The following KANK4 variants were observed in gnomAD, a reference collection of about 807,000 sequenced individuals.
KANK4 encodes the protein KN motif and ankyrin repeat domain-containing protein 4.
KANK4 carries 50 observed loss-of-function variants against 80.8 expected under a neutral mutation model. The observed-to-expected ratio is 0.62, with a 90% CI of 0.49 to 0.78. The LOEUF (loss-of-function observed/expected upper bound fraction) is 0.78, where lower values mean the gene tolerates loss of function less well. Ranked by LOEUF, KANK4 falls within the 30% of genes least tolerant of loss-of-function variation. The pLI, the probability that KANK4 is intolerant of heterozygous loss-of-function variation, is 0.00. For missense variants in KANK4, 1,196 were observed against 1,240.1 expected (o/e 0.96, Z 0.53); for synonymous variants, 465 against 506.9 (o/e 0.92, Z 1.11).
chr1:62,308,097 C>T (rs1261308995), intron 1 of KANK4, among the ~76,000 whole-genome samples: 6 of 152,182 alleles, frequency 3.9e-5, no homozygotes, highest in Non-Finnish European at 7.3e-5. Flanking sequence ...GCAGCTTGGT[C>T]TCTGGGCCCC....
At chr1:62,244,416 C>T (rs1404194434) in intron 9 of KANK4, among the ~76,000 whole-genome samples, 1 of 151,950 alleles carries the variant, frequency 6.6e-6, no homozygotes, top group African/African-American at 2.4e-5. Context: ...GTGTCCCCAC[C>T]CAAATCTCAT....
intron 1 of KANK4, among the ~76,000 whole-genome samples, chr1:62,293,924 C>T (rs1644334446): frequency 6.6e-6 from 1 of 152,186 alleles, no homozygotes; most frequent in East Asian, 1.9e-4. Context: ...GCGTGATGTT[C>T]AGCTACTTCA....
At chr1:62,284,466 G>A (rs966462944) in intron 1 of KANK4, among the ~76,000 whole-genome samples, 10 of 152,024 alleles carry the variant, frequency 6.6e-5, no homozygotes, top group Admixed American at 1.3e-4. Context: ...ACGGTCGCGC[G>A]CGCTACCATG....
At chr1:62,262,188 A>G (rs1671901948) in intron 7 of KANK4, among the ~76,000 whole-genome samples, 4 of 152,236 alleles carry the variant, frequency 2.6e-5, no homozygotes, top group Admixed American at 2.6e-4. Flanking sequence ...GCAGTACGGT[A>G]TATAGCTCTG....
In KANK4 at chr1:62,274,645, C is replaced by A; in HGVS notation, c.459G>T (p.Gly153=). Residue 153 remains glycine, a synonymous_variant, in exon 3 of 10, where the codon GGG becomes GGT. Transcript: ENST00000371153. The part of the protein sequence containing the change: ...AEPEDAELTF[G]SGRPQLLRAS... The stretch of plus-strand genomic sequence containing the variant: ...CTCTCAAGAGCTGGGGCCGTCCACT[C>A]CCAAAAGTGAGCTCGGCATCCTCTG... 1 of 1,614,192 alleles carries A rather than the reference C, an allele frequency of 6.2e-7. No individual in the cohort carries two copies. Among genetic ancestry groups the A allele is most frequent in the Non-Finnish European group, 8.5e-7 (1 of 1,180,038 alleles).
Position 62,274,817 on chromosome 1 carries a change from G to C in KANK4, c.287C>G (p.Pro96Arg). ...CTGTGTCCCAAGTGATGCCTCCCTT[G>C]GCACCACGGGAGACCAGTTTTGGAG... ...PPLQNWSPVV[P>R]REASLGTQEQ... Residue 96 changes from proline (P) to arginine (R), a missense_variant, in exon 3 of 10, where the codon CCA becomes CGA. Around this residue, in one of 3 missense-constraint regions of KANK4, gnomAD observed 1,154 missense variants for 1,179.6 expected, o/e 0.98. Coordinates refer to ENST00000371153, the MANE Select transcript of KANK4 (RefSeq NM_181712.5). 1 of 1,614,138 alleles carries C rather than the reference G, an allele frequency of 6.2e-7. No homozygotes were observed. The highest frequency in any genetic ancestry group is 8.5e-7 in the Non-Finnish European group (1 of 1,180,012).
At chr1:62,283,501 C>T (rs1672495525) in intron 1 of KANK4, among the ~76,000 whole-genome samples, 1 of 152,178 alleles carries the variant, frequency 6.6e-6, no homozygotes, top group African/African-American at 2.4e-5. Context: ...ATTTGTAAGC[C>T]TTTGTCCACC....
Position 62,254,601 on chromosome 1 carries a change from T to C in KANK4, c.2540-1392A>G, listed in dbSNP as rs148331202. On this transcript the variant is annotated intron_variant, in intron 7 of 9. Coordinates refer to ENST00000371153, the MANE Select transcript of KANK4 (RefSeq NM_181712.5). ...CAGACAGTCTCTCTGTCGCCCAGGC[T>C]GGAGTACAGTTGCATGATCTCGGCT... Among the ~76,000 whole-genome samples the C allele has an allele frequency of 2.6e-3, 399 of 151,992 alleles. 9 individuals carry two copies. The East Asian group carries it at 0.056, about 21-fold the overall frequency.
intron 1 of KANK4, among the ~76,000 whole-genome samples, chr1:62,311,078 T>A (rs879634954): frequency 6.6e-5 from 10 of 151,946 alleles, no homozygotes; most frequent in Admixed American, 2.6e-4. Context: ...GAGAGATGGA[T>A]TGGGGAAGAT....
chr1:62,251,732 G>A (rs1185106674), intron 8 of KANK4, among the ~76,000 whole-genome samples: 2 of 152,150 alleles, frequency 1.3e-5, no homozygotes, highest in South Asian at 2.1e-4. Context: ...GGTGGCTCAC[G>A]CCTGTAATCT....
At chr1:62,286,334 A>G (rs1357454852) in intron 1 of KANK4, among the ~76,000 whole-genome samples, 1 of 152,214 alleles carries the variant, frequency 6.6e-6, no homozygotes, top group Non-Finnish European at 1.5e-5. Flanking sequence ...CGCAGCTGTT[A>G]AAGGACTTGG....
intron 7 of KANK4, among the ~76,000 whole-genome samples, chr1:62,259,134 G>C (rs1671819965): frequency 6.6e-6 from 1 of 152,116 alleles, no homozygotes; most frequent in African/African-American, 2.4e-5. Context: ...AGCCAGACAG[G>C]ACCCAAGTTA....
chr1:62,293,314 C>T (rs968643367), intron 1 of KANK4, among the ~76,000 whole-genome samples: 1 of 151,738 alleles, frequency 6.6e-6, no homozygotes, highest in African/African-American at 2.4e-5. Flanking sequence ...AGGCTGGTCT[C>T]GAACTCCTGA....
chr1:62,268,512 T>A lies in KANK4; in HGVS notation c.2013-7A>T, dbSNP rs572182052. The A allele has an allele frequency of 2.5e-6, 4 of 1,611,328 alleles. No individual in the cohort carries two copies. The highest frequency in any genetic ancestry group is 3.3e-4 in the Middle Eastern group (2 of 6,078). On this transcript the variant is annotated splice_polypyrimidine_tract_variant and splice_region_variant and intron_variant, in intron 4 of 9. Transcript: ENST00000371153. ...ACTTGAGGTGGTCTCATACCTGGGG[T>A]AGAAAACAAAGGTCACTCGTCCTGT...
At chr1:62,264,978 C>T (rs900306352) in intron 6 of KANK4, among the ~76,000 whole-genome samples, 7 of 152,014 alleles carry the variant, frequency 4.6e-5, no homozygotes, top group East Asian at 3.9e-4. Flanking sequence ...ATTATAGGCG[C>T]GGGCCACCAC....
chr1:62,245,983 T>A (rs1027677229), intron 9 of KANK4, among the ~76,000 whole-genome samples: 8 of 150,824 alleles, frequency 5.3e-5, no homozygotes, highest in African/African-American at 2.4e-5. Flanking sequence ...GGCCCAGGAG[T>A]TTAATGGAGC....
At chr1:62,250,433 T>A (rs935542585) in intron 8 of KANK4, among the ~76,000 whole-genome samples, 2 of 152,250 alleles carry the variant, frequency 1.3e-5, no homozygotes, top group African/African-American at 4.8e-5. Context: ...AGAGCTACTA[T>A]ATGCTGCTGC....
intron 1 of KANK4, among the ~76,000 whole-genome samples, chr1:62,304,700 C>T (rs896222268): frequency 9.9e-5 from 15 of 152,018 alleles, no homozygotes; most frequent in Non-Finnish European, 4.4e-5. Flanking sequence ...GCACTGGGGC[C>T]GATTACCCGC....
Position 62,273,431 on chromosome 1 carries a change from G to C in KANK4, c.1673C>G (p.Ala558Gly). ...PGRPPSSPTDATIGQYVKKIQ... is the reference protein window; with the variant it reads ...PGRPPSSPTDGTIGQYVKKIQ... Reference sequence around the variant, plus strand: ...CTTCTTCACATACTGCCCAATAGTGGCATCCGTTGGCGAGCTTGGTGGCCT... The same window carrying C: ...CTTCTTCACATACTGCCCAATAGTGCCATCCGTTGGCGAGCTTGGTGGCCT... The change falls in exon 3 of 10, where the codon GCC (alanine) becomes GGC (glycine). Residue 558 changes from alanine (A) to glycine (G), a missense_variant. By Grantham distance (60) the Ala-to-Gly change is moderately conservative. Around this residue, in one of 3 missense-constraint regions of KANK4, gnomAD observed 1,154 missense variants for 1,179.6 expected, o/e 0.98. Transcript: ENST00000371153. 6.2e-7 allele frequency: 1 copy of C among 1,613,556 alleles called. No individual in the cohort carries two copies.
Sources: gnomAD v4.1 joint callset for allele counts (sites outside exome capture counted in the v4.1 genomes callset) on GRCh38, gnomAD v4.1.1 for gene constraint, gnomAD v4.1.1 regional missense constraint, MANE v1.5 for transcripts, NCBI Gene and HGNC (gene_info 2026-07-23, HGNC 2026-07-21) for gene names.